RASAL2: variants seen among roughly 807,000 people sequenced by gnomAD.
The protein encoded by RASAL2 is ras GTPase-activating protein nGAP.
A neutral mutation model predicts 128.9 loss-of-function variants in RASAL2; 58 were observed. That is an observed-to-expected ratio of 0.45 (90% CI 0.36 to 0.56). RASAL2 has a LOEUF of 0.56. Ranked by LOEUF, RASAL2 falls within the 20% of genes least tolerant of loss-of-function variation. The pLI is 0.00. For synonymous variants in RASAL2, 561 were observed against 580.8 expected (o/e 0.97, Z 0.49); for missense variants, 1,360 against 1,601.6 (o/e 0.85, Z 2.57).
intron 1 of RASAL2, among the ~76,000 whole-genome samples, chr1:178,282,633 T>G (rs1266811093): frequency 1.3e-5 from 2 of 152,218 alleles, no homozygotes; most frequent in East Asian, 3.9e-4. Context: ...CTCATGGGTA[T>G]TGGTTTTCTA....
chr1:178,416,085 A>G (rs1192110015), intron 4 of RASAL2, among the ~76,000 whole-genome samples: 1 of 152,096 alleles, frequency 6.6e-6, no homozygotes, highest in Non-Finnish European at 1.5e-5. Context: ...GTTTCTAACC[A>G]TATTTGTTAA....
At chr1:178,445,912 G>A (rs1340673653) in intron 9 of RASAL2, among the ~76,000 whole-genome samples, 2 of 152,148 alleles carry the variant, frequency 1.3e-5, no homozygotes, top group Non-Finnish European at 2.9e-5. Flanking sequence ...ATTCCAGGAT[G>A]CACAGTAATA....
At chr1:178,469,929 C>T (rs936674867) in intron 17 of RASAL2, among the ~76,000 whole-genome samples, 1 of 152,182 alleles carries the variant, frequency 6.6e-6, no homozygotes, top group South Asian at 2.1e-4. Flanking sequence ...TTTGGAAAAC[C>T]TCTGCACCAT....
At chr1:178,408,619 G>GTTTGTTTTTTTTTTTTTTTTTTT (rs1674146323) in intron 4 of RASAL2, among the ~76,000 whole-genome samples, 1 of 143,254 alleles carries the variant, frequency 7.0e-6, no homozygotes, top group African/African-American at 2.8e-5. Flanking sequence ...TTTGTTTTTT[G>GTTTGTTTTTTTTTTTTTTTTTTT]TTTTTTGTTT....
At chr1:178,199,485 A>G (rs1004328748) in intron 1 of RASAL2, among the ~76,000 whole-genome samples, 1 of 152,246 alleles carries the variant, frequency 6.6e-6, no homozygotes, top group African/African-American at 2.4e-5. Flanking sequence ...AGACATATAT[A>G]AAAAAGTTCA....
chr1:178,270,204 A>G (rs942361425), intron 1 of RASAL2, among the ~76,000 whole-genome samples: 4 of 151,940 alleles, frequency 2.6e-5, no homozygotes, highest in African/African-American at 9.7e-5. Context: ...TTTGGTGGTC[A>G]TCTGTTTTTA....
chr1:178,242,627 C>T (rs981815705), intron 1 of RASAL2, among the ~76,000 whole-genome samples: 4 of 151,996 alleles, frequency 2.6e-5, no homozygotes, highest in Non-Finnish European at 4.4e-5. Context: ...TGTAGGTTTA[C>T]GTCTTTTGCC....
intron 1 of RASAL2, among the ~76,000 whole-genome samples, chr1:178,124,578 G>A (rs1659831457): frequency 6.6e-6 from 1 of 152,164 alleles, no homozygotes; most frequent in African/African-American, 2.4e-5. Context: ...AGCTTAGTAA[G>A]TTGTGGTTAT....
intron 4 of RASAL2, among the ~76,000 whole-genome samples, chr1:178,396,082 C>G (rs1367738532): frequency 6.6e-6 from 1 of 151,796 alleles, no homozygotes; most frequent in African/African-American, 2.4e-5. Flanking sequence ...AGGGTGAGAA[C>G]TGGCAAATAC....
rs1340672621 is a variant in RASAL2 at position 178,162,401 on chromosome 1, A to G, written c.202+67707A>G. 4.7e-4 allele frequency among the ~76,000 whole-genome samples: 54 copies of G among 114,062 alleles called. No homozygotes were observed. The East Asian group carries it at 0.01, about 21-fold the overall frequency. 74.8% of individuals were successfully genotyped at this position (114,062 alleles called of 152,430 possible). The stretch of plus-strand genomic sequence containing the variant: ...TATTTATATATTATATATATTATAT[A>G]TTTTATATATTATATATAATATTAT... On this transcript the variant is annotated intron_variant, in intron 1 of 17. Coordinates refer to ENST00000367649, the MANE Select transcript of RASAL2 (RefSeq NM_170692.4).
At chr1:178,208,140 A>G (rs569666921) in intron 1 of RASAL2, among the ~76,000 whole-genome samples, 43 of 152,350 alleles carry the variant, frequency 2.8e-4, no homozygotes, top group Non-Finnish European at 4.3e-4. Context: ...TGTTTGAACA[A>G]TATGAAATCA....
At chr1:178,162,671 T>A (rs1182418659) in intron 1 of RASAL2, among the ~76,000 whole-genome samples, 1 of 149,374 alleles carries the variant, frequency 6.7e-6, no homozygotes, top group Non-Finnish European at 1.5e-5. Flanking sequence ...CACCACAACC[T>A]CCACCTCCTG....
At chr1:178,341,449 G>T in intron 3 of RASAL2, 1 of 1,471,148 alleles carries the variant, frequency 6.8e-7, no homozygotes, top group Non-Finnish European at 9.0e-7. Context: ...TGGCTTTTCT[G>T]CATTCCAAAC....
intron 3 of RASAL2, among the ~76,000 whole-genome samples, chr1:178,301,742 CT>C (rs1013813206): frequency 2.0e-5 from 3 of 152,096 alleles, no homozygotes; most frequent in African/African-American, 7.2e-5. Context: ...TGACTATTGT[CT>C]TTACCAATTT....
chr1:178,108,137 A>G (rs1659166796), intron 1 of RASAL2, among the ~76,000 whole-genome samples: 1 of 152,144 alleles, frequency 6.6e-6, no homozygotes, highest in African/African-American at 2.4e-5. Context: ...TTTTGGTTTA[A>G]CCATCCTAGT....
chr1:178,360,803 A>T (rs1671067309), intron 3 of RASAL2, among the ~76,000 whole-genome samples: 1 of 152,174 alleles, frequency 6.6e-6, no homozygotes, highest in South Asian at 2.1e-4. Flanking sequence ...CCTCGCTTCC[A>T]GTGGGTTGCT....
At chr1:178,237,650 G>T (rs1001762579) in intron 1 of RASAL2, among the ~76,000 whole-genome samples, 2 of 152,076 alleles carry the variant, frequency 1.3e-5, no homozygotes, top group Non-Finnish European at 2.9e-5. Context: ...CAGCTTTTTT[G>T]AGATATAACT....
rs74129203 is a variant in RASAL2, at chr1:178,467,884, G to A, written c.3678+463G>A. On this transcript the variant is annotated intron_variant, in intron 17 of 17. Transcript: ENST00000367649. ...CAGGGAAAGACAAGGTTGTAAAAAGGTACCTTTCCTTGTTGTTCTTTTGGT... is the reference window on the plus strand; with the variant it reads ...CAGGGAAAGACAAGGTTGTAAAAAGATACCTTTCCTTGTTGTTCTTTTGGT... Among the ~76,000 whole-genome samples, 1,085 of 152,288 alleles carry A rather than the reference G, an allele frequency of 7.1e-3. 13 individuals are homozygous for A. Among genetic ancestry groups the A allele is most frequent in the African/African-American group, 0.024 (1,014 of 41,562 alleles).
chr1:178,355,593 A>T (rs1670760467), intron 3 of RASAL2, among the ~76,000 whole-genome samples: 1 of 152,218 alleles, frequency 6.6e-6, no homozygotes, highest in African/African-American at 2.4e-5. Context: ...TATTAAATCA[A>T]ATAGAAAAAG....
Sources: allele counts gnomAD v4.1 joint callset (sites outside exome capture counted in the v4.1 genomes callset), GRCh38; gene constraint gnomAD v4.1.1; transcripts MANE v1.5; gene names NCBI Gene and HGNC (gene_info 2026-07-23, HGNC 2026-07-21).